The following PRSS3 variants were observed in gnomAD, a reference collection of about 807,000 sequenced individuals.
The protein encoded by PRSS3 is trypsin-3.
PRSS3 carries 14 observed loss-of-function variants against 20.8 expected under a neutral mutation model. That is an observed-to-expected ratio of 0.67 (90% CI 0.44 to 1.05). PRSS3 has a LOEUF of 1.05. Ranked by LOEUF, PRSS3 falls within the 50% of genes least tolerant of loss-of-function variation. The pLI, the probability that PRSS3 is intolerant of heterozygous loss-of-function variation, is 0.00. For synonymous variants in PRSS3, 91 were observed against 117.6 expected, an observed-to-expected ratio of 0.77 and a Z score of 1.46; for missense variants, 237 against 306.4, an observed-to-expected ratio of 0.77 and a Z score of 1.69.
intron 1 of PRSS3, among the ~76,000 whole-genome samples, chr9:33,784,107 A>G (rs1587389557): frequency 6.6e-6 from 1 of 152,346 alleles, no homozygotes; most frequent in East Asian, 1.9e-4. Context: ...TAGTATCCAT[A>G]ACATTCCCTG....
At chr9:33,758,612 A>G (rs1293296083) in intron 1 of PRSS3, among the ~76,000 whole-genome samples, 1 of 152,228 alleles carries the variant, frequency 6.6e-6, no homozygotes, top group Non-Finnish European at 1.5e-5. Flanking sequence ...TCTTCAGGTG[A>G]AATTGATACT....
At position 33,783,016 on chromosome 9, in the gene PRSS3, A is replaced by G. The variant is rs1449312917; in HGVS notation, c.-52-11730A>G. 3.9e-5 allele frequency among the ~76,000 whole-genome samples: 6 copies of G among 152,360 alleles called. No homozygotes were observed. In the East Asian group the frequency reaches 1.2e-3, roughly 29 times the overall value. Reference sequence around the variant, plus strand: ...GCTAAACAAAGGGTAGTATATCCACATGGTGACATATTCCACTGCCACAAA... The same window carrying G: ...GCTAAACAAAGGGTAGTATATCCACGTGGTGACATATTCCACTGCCACAAA... On this transcript the variant is annotated intron_variant, in intron 1 of 5. Transcript: ENST00000342836.
Position 33,796,771 on chromosome 9 carries a change from T to C in PRSS3, c.169T>C (p.Trp57Arg). The C allele has an allele frequency of 6.2e-7, 1 of 1,613,936 alleles. No individual in the cohort carries two copies. Among genetic ancestry groups the C allele is most frequent in the Non-Finnish European group, 8.5e-7 (1 of 1,179,852 alleles). The change falls in exon 2 of 5, where the codon TGG (tryptophan) becomes CGG (arginine). Residue 57 changes from tryptophan to arginine, a missense_variant. Trp to Arg is a moderately radical substitution (Grantham distance 101). Coordinates refer to ENST00000379405, the MANE Select transcript of PRSS3 (RefSeq NM_002771.4). ...FCGGSLISEQ[W>R]VVSAAHCYKT... ...CGGTGGCTCCCTCATCAGCGAACAG[T>C]GGGTGGTATCAGCAGCTCACTGCTA... is the stretch of plus-strand genomic sequence containing the variant.
At chr9:33,765,852 C>T (rs1286453374) in intron 1 of PRSS3, among the ~76,000 whole-genome samples, 1 of 152,180 alleles carries the variant, frequency 6.6e-6, no homozygotes, top group Non-Finnish European at 1.5e-5. Flanking sequence ...AACATCTATA[C>T]ACACAAAAAC....
At position 33,750,784 on chromosome 9, in the gene PRSS3, GGA is replaced by G; in HGVS notation, c.-53+59_-53+60del. 7.1e-7 allele frequency: 1 copy of G among 1,414,076 alleles called. No homozygotes were observed. The highest frequency in any genetic ancestry group is 1.5e-5 in the South Asian group (1 of 66,268). 87.6% of individuals were successfully genotyped at this position (1,414,076 alleles called of 1,614,324 possible). ...ACTGGAGGAGGGCTCGAAGGGAGAG[GGA>G]GCCCCGCCAAGGAGCGGGGCTGTGA... is the stretch of plus-strand genomic sequence containing the variant. On this transcript the variant is annotated intron_variant, in intron 1 of 5. Coordinates refer to the PRSS3 transcript ENST00000342836. This position sits in a 1 kb window ranked among gnomAD's most constrained non-coding sequence, Gnocchi z 4.8.
At chr9:33,794,360 T>G (rs963889433), upstream of PRSS3, among the ~76,000 whole-genome samples, 5 of 152,300 alleles carry the variant, frequency 3.3e-5, no homozygotes, top group Admixed American at 2.6e-4. Context: ...CCTTACATCA[T>G]TAGACTTGAT....
rs1334251221 is a variant in PRSS3 at position 33,786,503 on chromosome 9, C to T, written c.-52-8243C>T. On this transcript the variant is annotated intron_variant, in intron 1 of 5. Transcript: ENST00000342836. ...CCGTCTGACCCCAAGCTTGTCGGCC[C>T]TCATGAATATCTCTCTGGAACTAGG... 5.3e-6 allele frequency: 4 copies of T among 752,164 alleles called. No individual in the cohort carries two copies. The Admixed American group carries it at 6.9e-5, about 13-fold the overall frequency. The allele number at this position is 752,164 out of a possible 1,614,324, so 46.6% of individuals were successfully genotyped here. A position where few individuals can be genotyped will look rare whatever the true frequency, so the allele number is the denominator to read the frequency against.
In PRSS3 at chr9:33,750,726, A is replaced by T. The variant is rs1411521548; in HGVS notation, c.-54A>T. On this transcript the variant is annotated splice_region_variant and 5_prime_UTR_variant, in exon 1 of 6. Coordinates refer to the PRSS3 transcript ENST00000342836. This position sits in a 1 kb window ranked among gnomAD's most constrained non-coding sequence, Gnocchi z 4.8. ...CAGACGGCTGCGAGGCGCTGGGCACAGGTCAGACGTCAGTACCCGCAGGGG... is the reference window on the plus strand; with the variant it reads ...CAGACGGCTGCGAGGCGCTGGGCACTGGTCAGACGTCAGTACCCGCAGGGG... 2.8e-6 allele frequency: 4 copies of T among 1,435,292 alleles called. No homozygotes were observed. Among genetic ancestry groups the T allele is most frequent in the South Asian group, 1.5e-5 (1 of 67,554 alleles). 88.9% of individuals were successfully genotyped at this position (1,435,292 alleles called of 1,614,324 possible).
intron 1 of PRSS3, among the ~76,000 whole-genome samples, chr9:33,771,873 C>CTTTTTTTT (rs74178902): frequency 7.8e-6 from 1 of 128,298 alleles, no homozygotes; most frequent in Non-Finnish European, 1.6e-5. Context: ...TCTTTCTTTT[C>CTTTTTTTT]TTTTTTTTTT....
At chr9:33,765,805 G>A (rs944589961) in intron 1 of PRSS3, among the ~76,000 whole-genome samples, 1 of 152,210 alleles carries the variant, frequency 6.6e-6, no homozygotes, top group Non-Finnish European at 1.5e-5. Flanking sequence ...CAAATCCATG[G>A]ATAAGGGGAG....
chr9:33,793,540 G>A (rs1824738541), upstream of PRSS3: 1 of 384,960 alleles, frequency 2.6e-6, no homozygotes. Flanking sequence ...GAGACAAGGT[G>A]CCAGGAGAAA....
At chr9:33,765,663 G>A (rs1439090818) in intron 1 of PRSS3, among the ~76,000 whole-genome samples, 3 of 152,138 alleles carry the variant, frequency 2.0e-5, no homozygotes, top group African/African-American at 7.2e-5. Context: ...ATCCAGGGTG[G>A]GATGGCATGA....
At chr9:33,763,261 C>T (rs1447875728) in intron 1 of PRSS3, among the ~76,000 whole-genome samples, 1 of 152,184 alleles carries the variant, frequency 6.6e-6, no homozygotes, top group Non-Finnish European at 1.5e-5. Flanking sequence ...TCTATCCTTT[C>T]CCTGAGACTC....
intron 1 of PRSS3, among the ~76,000 whole-genome samples, chr9:33,771,570 G>A (rs1002050935): frequency 4.0e-5 from 6 of 149,454 alleles, no homozygotes; most frequent in South Asian, 2.1e-4. Flanking sequence ...CAGGCAATCC[G>A]CCCGCCTCAG....
chr9:33,751,646 T>C (rs2118687780), intron 1 of PRSS3, among the ~76,000 whole-genome samples: 1 of 152,350 alleles, frequency 6.6e-6, no homozygotes, highest in African/African-American at 2.4e-5. Flanking sequence ...CCTTTTTGTC[T>C]CCTAGGGTGG....
At chr9:33,765,949 C>T (rs1823391892) in intron 1 of PRSS3, among the ~76,000 whole-genome samples, 1 of 152,130 alleles carries the variant, frequency 6.6e-6, no homozygotes, top group South Asian at 2.1e-4. Context: ...CACATCCACA[C>T]AATGGAATAT....
intron 1 of PRSS3, among the ~76,000 whole-genome samples, chr9:33,771,801 TTTTG>T (rs1823719609): frequency 6.7e-6 from 1 of 150,350 alleles, no homozygotes; most frequent in Non-Finnish European, 1.5e-5. Context: ...TTTCTTTTCT[TTTTG>T]TTTTTTTGTT....
At position 33,777,244 on chromosome 9, in the gene PRSS3, A is replaced by C. The variant is rs145668030; in HGVS notation, c.-52-17502A>C. 1.8e-3 allele frequency among the ~76,000 whole-genome samples: 270 copies of C among 152,316 alleles called. 1 individual carries two copies. The highest frequency in any genetic ancestry group is 2.7e-3 in the Non-Finnish European group (181 of 68,022). On this transcript the variant is annotated intron_variant, in intron 1 of 5. Transcript: ENST00000342836. ...AGTAAAGTTATCTGAATATAAATAA[A>C]AATTAAAATATTCATTGGCAGTAGA...
At chr9:33,786,465 AG>A (rs772570679) in intron 1 of PRSS3, 2 of 717,944 alleles carry the variant, frequency 2.8e-6, no homozygotes, top group Non-Finnish European at 5.1e-6. Flanking sequence ...GGAGAGATAA[AG>A]CAGAGACTTT....
Sources: allele counts gnomAD v4.1 joint callset (sites outside exome capture counted in the v4.1 genomes callset), GRCh38; gene constraint gnomAD v4.1.1; non-coding constraint Gnocchi (gnomAD v3.1); transcripts MANE v1.5; gene names NCBI Gene and HGNC (gene_info 2026-07-23, HGNC 2026-07-21).